Variants in SPAG16 observed in about 807,000 individuals in gnomAD.
The protein encoded by SPAG16 is sperm associated antigen 16.
A neutral mutation model predicts 80.4 loss-of-function variants in SPAG16; 86 were observed. That is an observed-to-expected ratio of 1.07 (90% CI 0.90 to 1.28). The LOEUF is 1.28. Among genes scored for constraint, SPAG16 ranks in the 50% most tolerant of loss-of-function variants. SPAG16 has a pLI of 0.00. For missense variants in SPAG16, 870 were observed against 765.3 expected, an observed-to-expected ratio of 1.14 and a Z score of -1.61; for synonymous variants, 294 against 265.9, an observed-to-expected ratio of 1.11 and a Z score of -1.03.
Position 213,746,781 on chromosome 2 carries a change from T to C in SPAG16, c.1071-115704T>C, listed in dbSNP as rs552425255. Among the ~76,000 whole-genome samples, 4 of 152,244 alleles carry C rather than the reference T, an allele frequency of 2.6e-5. No homozygotes were observed. The South Asian group carries it at 8.3e-4, about 32-fold the overall frequency. On this transcript the variant is annotated intron_variant, in intron 10 of 15. Transcript: ENST00000331683. ...AAGATCGCACCACTGCACTCCAGCC[T>C]GGGCGACAGAGCAAGACTCCATTTC... is the stretch of plus-strand genomic sequence containing the variant.
rs2075812989 is a variant in SPAG16, at chr2:213,868,830, A to C, written c.1214+6202A>C. Reference sequence around the variant, plus strand: ...GAGCTGATTCATGAATTGTGAATAAATGGACCTCTCCAAAATACCTCATGT... The same window carrying C: ...GAGCTGATTCATGAATTGTGAATAACTGGACCTCTCCAAAATACCTCATGT... On this transcript the variant is annotated intron_variant, in intron 11 of 15. Coordinates refer to ENST00000331683, the MANE Select transcript of SPAG16 (RefSeq NM_024532.5). Among the ~76,000 whole-genome samples, 3 of 152,202 alleles carry C rather than the reference A, an allele frequency of 2.0e-5. No individual in the cohort carries two copies. The South Asian group carries it at 6.2e-4, about 32-fold the overall frequency.
intron 7 of SPAG16, among the ~76,000 whole-genome samples, chr2:213,358,560 C>T (rs991248601): frequency 1.3e-5 from 2 of 152,176 alleles, no homozygotes; most frequent in Non-Finnish European, 2.9e-5. Context: ...GTTACTGAAG[C>T]TTGTGCATGC....
At chr2:213,334,522 A>G (rs1332560306) in intron 5 of SPAG16, among the ~76,000 whole-genome samples, 2 of 152,188 alleles carry the variant, frequency 1.3e-5, no homozygotes, top group African/African-American at 4.8e-5. Context: ...TTGTTGCAGC[A>G]CTGTTCACAA....
At chr2:213,932,703 C>G (rs1017995536) in intron 12 of SPAG16, among the ~76,000 whole-genome samples, 1 of 152,032 alleles carries the variant, frequency 6.6e-6, no homozygotes, top group Non-Finnish European at 1.5e-5. Context: ...CTTGGTAAGA[C>G]CATCCATTTA....
intron 10 of SPAG16, among the ~76,000 whole-genome samples, chr2:213,813,598 C>A (rs1212632642): frequency 1.5e-4 from 23 of 152,114 alleles, no homozygotes; most frequent in Middle Eastern, 3.4e-3. Flanking sequence ...TATTGGGGGA[C>A]AGGTAGAAGC....
intron 10 of SPAG16, among the ~76,000 whole-genome samples, chr2:213,832,416 C>T (rs2073722893): frequency 6.6e-6 from 1 of 152,138 alleles, no homozygotes; most frequent in Non-Finnish European, 1.5e-5. Context: ...TGACTTTCTC[C>T]CGTCTTCCTG....
At chr2:213,416,729 A>G (rs1184426802) in intron 9 of SPAG16, among the ~76,000 whole-genome samples, 1 of 152,226 alleles carries the variant, frequency 6.6e-6, no homozygotes, top group Non-Finnish European at 1.5e-5. Context: ...TGAGATGGTC[A>G]GTTGGATCCA....
Position 213,881,685 on chromosome 2 carries a change from A to G in SPAG16, c.1214+19057A>G, listed in dbSNP as rs1048678076. 4.6e-5 allele frequency among the ~76,000 whole-genome samples: 7 copies of G among 152,282 alleles called. No homozygotes were observed. The East Asian group carries it at 1.4e-3, about 29-fold the overall frequency. ...TAAAACCATCAGATCTCTTGTGAGA[A>G]CTCACCATCCCAAGAACAACATGGG... On this transcript the variant is annotated intron_variant, in intron 11 of 15. Coordinates refer to ENST00000331683, the MANE Select transcript of SPAG16 (RefSeq NM_024532.5).
In SPAG16 at chr2:214,362,869, A is replaced by G. The variant is rs144418318; in HGVS notation, c.1721-47271A>G. Among the ~76,000 whole-genome samples, 878 of 152,096 alleles carry G rather than the reference A, an allele frequency of 5.8e-3. 6 individuals carry two copies. The highest frequency in any genetic ancestry group is 0.01 in the Non-Finnish European group (685 of 67,874). The stretch of plus-strand genomic sequence containing the variant: ...TTAACAAGAAATAAAAAAATGCCAT[A>G]ATAACACAAGATAGGAACCATTCAC... On this transcript the variant is annotated intron_variant, in intron 15 of 15. Coordinates refer to ENST00000331683, the MANE Select transcript of SPAG16 (RefSeq NM_024532.5).
chr2:213,978,510 G>T (rs2045534008), intron 12 of SPAG16, among the ~76,000 whole-genome samples: 1 of 152,088 alleles, frequency 6.6e-6, no homozygotes, highest in South Asian at 2.1e-4. Flanking sequence ...GTTTCAAAAT[G>T]ATTCCACATA....
chr2:213,694,203 G>A (rs2065067045), intron 10 of SPAG16, among the ~76,000 whole-genome samples: 1 of 152,148 alleles, frequency 6.6e-6, no homozygotes, highest in African/African-American at 2.4e-5. Context: ...TAGGTGAGAA[G>A]TAATTGTAAA....
At chr2:213,290,702 A>G (rs1280122422) in intron 1 of SPAG16, among the ~76,000 whole-genome samples, 2 of 152,182 alleles carry the variant, frequency 1.3e-5, no homozygotes, top group Non-Finnish European at 2.9e-5. Flanking sequence ...AATTGTATGG[A>G]TGTTTCCTGG....
chr2:214,392,181 G>A (rs139307708), intron 15 of SPAG16, among the ~76,000 whole-genome samples: 2 of 151,514 alleles, frequency 1.3e-5, no homozygotes, highest in African/African-American at 4.8e-5. Context: ...TTCTTTTTTT[G>A]AGATAGGGTT....
chr2:213,488,258 G>C (rs915343649), intron 9 of SPAG16, among the ~76,000 whole-genome samples: 1 of 152,132 alleles, frequency 6.6e-6, no homozygotes, highest in African/African-American at 2.4e-5. Context: ...GTATGCACGT[G>C]TGTGTATACG....
At chr2:213,895,554 A>G (rs2106099750) in intron 11 of SPAG16, among the ~76,000 whole-genome samples, 1 of 152,272 alleles carries the variant, frequency 6.6e-6, no homozygotes, top group East Asian at 1.9e-4. Context: ...TGTGGTAAAA[A>G]TAGACTCATA....
intron 10 of SPAG16, among the ~76,000 whole-genome samples, chr2:213,623,290 CT>C (rs35829494): frequency 6.6e-6 from 1 of 151,820 alleles, no homozygotes; most frequent in Middle Eastern, 3.2e-3. Flanking sequence ...GTGTAGGAAA[CT>C]TTTTTTCACT....
At chr2:213,875,949 A>C (rs1041344143) in intron 11 of SPAG16, among the ~76,000 whole-genome samples, 1 of 106,698 alleles carries the variant, frequency 9.4e-6, no homozygotes, top group Non-Finnish European at 2.3e-5. Flanking sequence ...ACATTTGGGA[A>C]GCTGTGACAT....
intron 9 of SPAG16, among the ~76,000 whole-genome samples, chr2:213,411,452 G>A (rs1298389353): frequency 6.6e-6 from 1 of 152,192 alleles, no homozygotes; most frequent in African/African-American, 2.4e-5. Context: ...AGCAATTAGG[G>A]CCACTAGCCA....
chr2:214,196,748 T>G (rs1227511427), intron 15 of SPAG16, among the ~76,000 whole-genome samples: 2 of 152,056 alleles, frequency 1.3e-5, no homozygotes, highest in African/African-American at 4.8e-5. Flanking sequence ...GATTTAACAT[T>G]TAAGTATCAA....
Sources: gnomAD v4.1 joint callset for allele counts (sites outside exome capture counted in the v4.1 genomes callset) on GRCh38, gnomAD v4.1.1 for gene constraint, MANE v1.5 for transcripts, NCBI Gene and HGNC (gene_info 2026-07-23, HGNC 2026-07-21) for gene names.